The following MCTP1 variants were observed in gnomAD, a reference collection of about 807,000 sequenced individuals.
The protein encoded by MCTP1 is multiple C2 and transmembrane domain containing 1, also known as multiple C2 and transmembrane domain-containing protein 1.
A neutral mutation model predicts 120.6 loss-of-function variants in MCTP1; 69 were observed. That is an observed-to-expected ratio of 0.57 (90% CI 0.47 to 0.70). MCTP1 has a LOEUF of 0.70. Ranked by LOEUF, MCTP1 falls within the 30% of genes least tolerant of loss-of-function variation. MCTP1 has a pLI of 0.00. For synonymous variants in MCTP1, 529 were observed against 493.1 expected (o/e 1.07, Z -0.96); for missense variants, 1,203 against 1,248.8 (o/e 0.96, Z 0.55).
chr5:95,047,844 T>A (rs1744961502), intron 1 of MCTP1, among the ~76,000 whole-genome samples: 1 of 152,136 alleles, frequency 6.6e-6, no homozygotes, highest in South Asian at 2.1e-4. Flanking sequence ...TCTATAGCGA[T>A]CCTTATACTG....
intron 17 of MCTP1, among the ~76,000 whole-genome samples, chr5:94,832,529 G>A (rs1788747827): frequency 1.3e-5 from 2 of 151,716 alleles, no homozygotes. Context: ...TGGCTTCTTT[G>A]ACTCATGGTT....
chr5:94,997,078 A>C (rs1170052146), intron 2 of MCTP1, among the ~76,000 whole-genome samples: 2 of 152,110 alleles, frequency 1.3e-5, no homozygotes, highest in Non-Finnish European at 2.9e-5. Flanking sequence ...TTTTTATGCC[A>C]ATTTTAGGTT....
intron 3 of MCTP1, among the ~76,000 whole-genome samples, chr5:94,952,149 G>T (rs1280809121): frequency 8.2e-6 from 1 of 121,856 alleles, no homozygotes; most frequent in African/African-American, 3.3e-5. Context: ...TCCAGCCTGG[G>T]TGACAGAATG....
intron 1 of MCTP1, among the ~76,000 whole-genome samples, chr5:95,205,635 ATACACACAATATT>A (rs1209672400): frequency 3.3e-5 from 5 of 152,170 alleles, no homozygotes; most frequent in Admixed American, 2.6e-4. Context: ...TTTACACACA[ATACACACAATATT>A]TACACACAAT....
intron 1 of MCTP1, among the ~76,000 whole-genome samples, chr5:95,211,254 A>G (rs1287117269): frequency 1.3e-5 from 2 of 152,050 alleles, no homozygotes; most frequent in African/African-American, 4.8e-5. Flanking sequence ...CTCCTGGATA[A>G]TATCCTGCAG....
intron 19 of MCTP1, among the ~76,000 whole-genome samples, chr5:94,773,149 C>T (rs1203556542): frequency 6.6e-6 from 1 of 152,166 alleles, no homozygotes; most frequent in Non-Finnish European, 1.5e-5. Context: ...ATTTGCTCTT[C>T]TCCCAAGTAG....
intron 17 of MCTP1, among the ~76,000 whole-genome samples, chr5:94,853,382 T>C (rs1794125517): frequency 6.6e-6 from 1 of 151,966 alleles, no homozygotes; most frequent in Non-Finnish European, 1.5e-5. Context: ...TTTGATTTTA[T>C]CCTTTCTTTT....
intron 19 of MCTP1, among the ~76,000 whole-genome samples, chr5:94,746,948 C>G (rs567857687): frequency 6.6e-6 from 1 of 152,272 alleles, no homozygotes; most frequent in South Asian, 2.1e-4. Flanking sequence ...TCCCCTTGAC[C>G]TTGAATACCT....
chr5:95,122,792 T>G (rs1194388999), intron 1 of MCTP1, among the ~76,000 whole-genome samples: 1 of 152,206 alleles, frequency 6.6e-6, no homozygotes, highest in Non-Finnish European at 1.5e-5. Flanking sequence ...GTGATACATA[T>G]ACACATAGAG....
At chr5:94,740,660 CA>C (rs1429935188) in intron 19 of MCTP1, among the ~76,000 whole-genome samples, 1 of 152,158 alleles carries the variant, frequency 6.6e-6, no homozygotes, top group Non-Finnish European at 1.5e-5. Context: ...CGTAGAGCTT[CA>C]TTGTGAGAGA....
At chr5:95,073,162 G>C (rs1559798) in intron 1 of MCTP1, among the ~76,000 whole-genome samples, 108,814 of 152,006 alleles carry the variant, frequency 0.72, 41,948 homozygotes, top group Non-Finnish European at 0.86. Context: ...CAGCTATCCT[G>C]AACAGCTGAT....
At chr5:94,916,320 T>C (rs904005945) in intron 8 of MCTP1, among the ~76,000 whole-genome samples, 7 of 152,220 alleles carry the variant, frequency 4.6e-5, no homozygotes, top group Non-Finnish European at 7.3e-5. Flanking sequence ...TTTCTGGCTA[T>C]ATGCTTGGGC....
chr5:95,054,802 T>TTTGA (rs1357074531), intron 1 of MCTP1, among the ~76,000 whole-genome samples: 1 of 151,596 alleles, frequency 6.6e-6, no homozygotes, highest in Middle Eastern at 3.2e-3. Context: ...GTTGTTATTG[T>TTTGA]TTGTTTGTTT....
chr5:94,863,493 T>C (rs560390448), intron 17 of MCTP1, among the ~76,000 whole-genome samples: 8 of 151,974 alleles, frequency 5.3e-5, no homozygotes, highest in Non-Finnish European at 1.0e-4. Context: ...CTTCAATATG[T>C]TCAATGTAAT....
At chr5:94,992,016 C>T (rs1293423230) in intron 2 of MCTP1, among the ~76,000 whole-genome samples, 1 of 152,142 alleles carries the variant, frequency 6.6e-6, no homozygotes, top group Non-Finnish European at 1.5e-5. Flanking sequence ...GGCAGATGGG[C>T]TGTTGTGTTG....
intron 19 of MCTP1, chr5:94,739,106 T>G (rs1471075832): frequency 6.6e-6 from 1 of 152,254 alleles, no homozygotes; most frequent in East Asian, 1.9e-4. Context: ...TGGTGAAAAT[T>G]GTGTTTAAAA....
At chr5:94,960,316 C>A (rs1244183735) in intron 2 of MCTP1, among the ~76,000 whole-genome samples, 2 of 152,044 alleles carry the variant, frequency 1.3e-5, no homozygotes, top group Non-Finnish European at 2.9e-5. Flanking sequence ...TTATAAAAAC[C>A]CTAGAAGAAA....
chr5:95,108,761 G>C (rs1300101050), intron 1 of MCTP1, among the ~76,000 whole-genome samples: 3 of 152,112 alleles, frequency 2.0e-5, no homozygotes. Context: ...CATACCTAGT[G>C]GATGCTGATA....
At chr5:95,189,339 A>C (rs1749581292) in intron 1 of MCTP1, among the ~76,000 whole-genome samples, 1 of 152,214 alleles carries the variant, frequency 6.6e-6, no homozygotes, top group African/African-American at 2.4e-5. Context: ...GATGATGGAA[A>C]TATAAAGACA....
Sources: gnomAD v4.1 joint callset for allele counts (sites outside exome capture counted in the v4.1 genomes callset) on GRCh38, gnomAD v4.1.1 for gene constraint, MANE v1.5 for transcripts, NCBI Gene and HGNC (gene_info 2026-07-23, HGNC 2026-07-21) for gene names.